Variants in MAP4K5 observed in about 807,000 individuals in gnomAD.
MAP4K5 encodes the protein mitogen-activated protein kinase kinase kinase kinase 5.
Under a neutral mutation model 135.6 loss-of-function variants are expected in MAP4K5, and 82 were observed. The observed-to-expected ratio is 0.60, with a 90% CI of 0.51 to 0.73. The LOEUF (loss-of-function observed/expected upper bound fraction) is 0.73, where lower values mean the gene tolerates loss of function less well. Among genes scored for constraint, MAP4K5 ranks in the 30% least tolerant of loss-of-function variants. MAP4K5 has a pLI of 0.00. For synonymous variants in MAP4K5, 347 were observed against 335.0 expected, an observed-to-expected ratio of 1.04 and a Z score of -0.39; for missense variants, 907 against 1,010.9, an observed-to-expected ratio of 0.90 and a Z score of 1.39.
At chr14:50,514,237 TG>T (rs1245993383) in intron 2 of MAP4K5, among the ~76,000 whole-genome samples, 1 of 70,872 alleles carries the variant, frequency 1.4e-5, no homozygotes, top group African/African-American at 3.5e-5. Flanking sequence ...CCACCAGGCC[TG>T]GCTAATTTTT....
intron 13 of MAP4K5, among the ~76,000 whole-genome samples, chr14:50,458,854 G>A (rs1389387679): frequency 2.6e-5 from 4 of 151,952 alleles, no homozygotes; most frequent in Admixed American, 1.3e-4. Flanking sequence ...TGTCACCCAG[G>A]CTGGAGTGCA....
At chr14:50,505,988 T>C (rs2037801973) in intron 2 of MAP4K5, among the ~76,000 whole-genome samples, 1 of 152,232 alleles carries the variant, frequency 6.6e-6, no homozygotes, top group Non-Finnish European at 1.5e-5. Context: ...TCTTTGTTAA[T>C]GTGAGTGCTC....
chr14:50,428,134 ATGT>A (rs376553558), intron 30 of MAP4K5, among the ~76,000 whole-genome samples: 4 of 152,390 alleles, frequency 2.6e-5, no homozygotes, highest in East Asian at 1.9e-4. Context: ...AAGAAGCCAC[ATGT>A]TGTTATTTAC....
chr14:50,444,027 T>C lies in MAP4K5; in HGVS notation c.1349A>G (p.Asp450Gly). The C allele has an allele frequency of 2.5e-6, 4 of 1,598,596 alleles. No homozygotes were observed. Among genetic ancestry groups the C allele is most frequent in the African/African-American group, 1.3e-5 (1 of 74,914 alleles). The change falls in exon 19 of 33, where the codon GAT (aspartate) becomes GGT (glycine). Residue 450 changes from aspartate (D) to glycine (G), a missense_variant. Physicochemically the swap from Asp to Gly is moderately conservative, Grantham distance 94. Coordinates refer to ENST00000682126, the MANE Select transcript of MAP4K5 (RefSeq NM_006575.6). ...TTCACTCATCAGTTTTGAAATACCA[T>C]CACCATTTCCTAAAGAGAATCATGT... ...VAETSSIGNG[D>G]GISKLMSENT...
At chr14:50,534,541 T>C (rs900930062), upstream of MAP4K5, among the ~76,000 whole-genome samples, 2 of 152,244 alleles carry the variant, frequency 1.3e-5, no homozygotes, top group Non-Finnish European at 2.9e-5. Flanking sequence ...TAAAATGAAT[T>C]AGGCAGTGAA....
At chr14:50,473,181 T>C (rs17791470) in intron 9 of MAP4K5, among the ~76,000 whole-genome samples, 29,570 of 152,144 alleles carry the variant, frequency 0.19, 3,550 homozygotes, top group Middle Eastern at 0.28. Flanking sequence ...ATGTAGTTTT[T>C]TAATTGGTCT....
rs538529347 is a variant in MAP4K5, at chr14:50,485,764, G to T, written c.258-122C>A. ...GGACTGTGAAGTGCAACAGGAAACT[G>T]CTATGTAATCTTGCTACAATATACA... On this transcript the variant is annotated intron_variant, in intron 4 of 32. Transcript: ENST00000682126. The T allele has an allele frequency of 6.4e-6, 4 of 622,690 alleles. No homozygotes were observed. In the South Asian group the frequency reaches 8.9e-5, roughly 14 times the overall value. 38.6% of individuals were successfully genotyped at this position (622,690 alleles called of 1,614,324 possible).
At chr14:50,479,318 C>G (rs1177794151) in intron 6 of MAP4K5, among the ~76,000 whole-genome samples, 1 of 151,522 alleles carries the variant, frequency 6.6e-6, no homozygotes, top group Non-Finnish European at 1.5e-5. Flanking sequence ...ATTACTTTTT[C>G]TTTCCATGTT....
Position 50,446,239 on chromosome 14 carries a change from C to T in MAP4K5, c.1143-118G>A, listed in dbSNP as rs111987292. On this transcript the variant is annotated intron_variant, in intron 16 of 32. Transcript: ENST00000682126. ...TACAGAGGATGTAAAAGACAGATCA[C>T]GATGCAGAGTATAAAATCTTTAGGA... is the stretch of plus-strand genomic sequence containing the variant. 6.4e-5 allele frequency: 38 copies of T among 589,598 alleles called. 1 individual carries two copies. The highest frequency in any genetic ancestry group is 4.0e-4 in the African/African-American group (20 of 50,012). 36.5% of individuals were successfully genotyped at this position (589,598 alleles called of 1,614,324 possible). A position where few individuals can be genotyped will look rare whatever the true frequency, so the allele number is the denominator to read the frequency against.
chr14:50,425,966 C>A lies in MAP4K5; in HGVS notation c.2338G>T (p.Asp780Tyr). Residue 780 changes from aspartate to tyrosine, a missense_variant, in exon 31 of 33, where the codon GAC (aspartate) becomes TAC (tyrosine). By Grantham distance (160) the Asp-to-Tyr change is radical. Around this residue, in one of 3 missense-constraint regions of MAP4K5, gnomAD observed 690 missense variants for 777.4 expected, o/e 0.89. Transcript: ENST00000682126. ...TGTTTCCAGAAAGCCAACACACTGT[C>A]TTGAAGGCATACTAAAAATGATAAG... is the stretch of plus-strand genomic sequence containing the variant. ...FRIESVVCLQ[D>Y]SVLAFWKHGM... 6.2e-7 allele frequency: 1 copy of A among 1,608,730 alleles called. No homozygotes were observed. The highest frequency in any genetic ancestry group is 8.5e-7 in the Non-Finnish European group (1 of 1,175,950).
chr14:50,464,002 A>G, intron 12 of MAP4K5, 50 bp downstream of exon 12: 1 of 964,598 alleles, frequency 1.0e-6, no homozygotes, highest in Non-Finnish European at 1.6e-6. Flanking sequence ...TTCTACTGAT[A>G]TGTCTAATTT....
At chr14:50,515,187 C>T (rs188648065) in intron 2 of MAP4K5, among the ~76,000 whole-genome samples, 2 of 152,282 alleles carry the variant, frequency 1.3e-5, no homozygotes, top group East Asian at 3.9e-4. Flanking sequence ...CAGGCGTGAG[C>T]CATTGTGCCT....
chr14:50,521,225 C>T (rs1180401851), intron 2 of MAP4K5, among the ~76,000 whole-genome samples: 1 of 152,202 alleles, frequency 6.6e-6, no homozygotes, highest in African/African-American at 2.4e-5. Context: ...CATCTGAAAA[C>T]TGGTGCTGAG....
intron 3 of MAP4K5, among the ~76,000 whole-genome samples, chr14:50,491,253 G>C (rs946462897): frequency 6.6e-6 from 1 of 151,740 alleles, no homozygotes; most frequent in Non-Finnish European, 1.5e-5. Flanking sequence ...TAATACTGAG[G>C]TAATTAATTC....
chr14:50,499,737 TAAAAC>T (rs2037668471), intron 3 of MAP4K5, among the ~76,000 whole-genome samples: 5 of 151,688 alleles, frequency 3.3e-5, no homozygotes, highest in South Asian at 4.2e-4. Context: ...TCAAGAATCT[TAAAAC>T]AAAGTTTCTT....
chr14:50,525,850 AT>A (rs1373265438), intron 2 of MAP4K5, among the ~76,000 whole-genome samples: 1 of 152,204 alleles, frequency 6.6e-6, no homozygotes, highest in Non-Finnish European at 1.5e-5. Flanking sequence ...TCTCAAAAAA[AT>A]AAAAATAAAT....
intron 3 of MAP4K5, among the ~76,000 whole-genome samples, chr14:50,489,221 A>C (rs1428685961): frequency 6.6e-6 from 1 of 152,124 alleles, no homozygotes; most frequent in Non-Finnish European, 1.5e-5. Flanking sequence ...GGTGGCATGC[A>C]CCTGTAGTCC....
intron 13 of MAP4K5, among the ~76,000 whole-genome samples, chr14:50,456,954 G>A (rs1266572166): frequency 2.0e-5 from 3 of 152,120 alleles, no homozygotes; most frequent in Non-Finnish European, 4.4e-5. Flanking sequence ...TGACCTGAAG[G>A]GGTATAGTTC....
At chr14:50,510,699 C>T (rs2037913519) in intron 2 of MAP4K5, among the ~76,000 whole-genome samples, 1 of 152,038 alleles carries the variant, frequency 6.6e-6, no homozygotes, top group Non-Finnish European at 1.5e-5. Context: ...AAAAAAATTA[C>T]TACAAAAGTA....
Sources: allele counts gnomAD v4.1 joint callset (sites outside exome capture counted in the v4.1 genomes callset), GRCh38; gene constraint gnomAD v4.1.1; regional missense constraint gnomAD v4.1.1; transcripts MANE v1.5; gene names NCBI Gene and HGNC (gene_info 2026-07-23, HGNC 2026-07-21).